The following CYFIP2 variants were observed in gnomAD, a reference collection of about 807,000 sequenced individuals.
CYFIP2 encodes cytoplasmic FMR1-interacting protein 2.
Under a neutral mutation model 158.7 loss-of-function variants are expected in CYFIP2, and 29 were observed. That is an observed-to-expected ratio of 0.18 (90% CI 0.14 to 0.25). The LOEUF (loss-of-function observed/expected upper bound fraction) is 0.25, where lower values mean the gene tolerates loss of function less well. CYFIP2 is among the 10% of genes least tolerant of loss of function. The pLI is 1.00. For synonymous variants in CYFIP2, 585 were observed against 617.6 expected (o/e 0.95, Z 0.78); for missense variants, 852 against 1,639.5 (o/e 0.52, Z 8.29).
intron 9 of CYFIP2, among the ~76,000 whole-genome samples, chr5:157,308,309 T>C (rs1164881588): frequency 6.6e-6 from 1 of 152,130 alleles, no homozygotes; most frequent in African/African-American, 2.4e-5. Flanking sequence ...ATTTGCAAAA[T>C]CACAGCCTCT....
intron 23 of CYFIP2, chr5:157,343,459 G>A: frequency 6.2e-7 from 1 of 1,612,268 alleles, no homozygotes; most frequent in South Asian, 1.1e-5. Context: ...TATGGTAATA[G>A]TCCTCCAGGC....
intron 29 of CYFIP2, 142 bp from the exon 30 acceptor site, chr5:157,390,379 G>A (rs1211983708): frequency 1.4e-6 from 1 of 702,440 alleles, no homozygotes; most frequent in East Asian, 2.9e-5. Flanking sequence ...AGCTTCCTTT[G>A]TACCCATTTT....
chr5:157,270,902 G>T (rs1756037195), intron 1 of CYFIP2, among the ~76,000 whole-genome samples: 1 of 152,158 alleles, frequency 6.6e-6, no homozygotes, highest in Non-Finnish European at 1.5e-5. Context: ...TTCCTGGTGT[G>T]TGCCTATCTC....
chr5:157,279,497 A>C (rs1756822006), intron 1 of CYFIP2, among the ~76,000 whole-genome samples: 1 of 152,234 alleles, frequency 6.6e-6, no homozygotes, highest in South Asian at 2.1e-4. Context: ...GTCGCCCTGC[A>C]TTTATGGGAC....
At chr5:157,371,195 G>T (rs1401322565) in intron 26 of CYFIP2, among the ~76,000 whole-genome samples, 1 of 152,120 alleles carries the variant, frequency 6.6e-6, no homozygotes, top group Admixed American at 6.5e-5. Context: ...ACATCAGTAT[G>T]CGGGAAACAC....
rs112482816 is a variant in CYFIP2 at position 157,332,750 on chromosome 5, C to G, written c.2266-577C>G. Among the ~76,000 whole-genome samples, 645 of 152,320 alleles carry G rather than the reference C, an allele frequency of 4.2e-3. 6 individuals carry two copies. Among genetic ancestry groups the G allele is most frequent in the African/African-American group, 0.015 (615 of 41,568 alleles). On this transcript the variant is annotated intron_variant, in intron 20 of 30. Transcript: ENST00000620254. Reference sequence around the variant, plus strand: ...CCACAAACTCTTGGGCTCAAGCTATCTTCCCACCTCCAGCCTCCCAAGTAG... The same window carrying G: ...CCACAAACTCTTGGGCTCAAGCTATGTTCCCACCTCCAGCCTCCCAAGTAG...
chr5:157,379,668 CAAAA>C (rs70984468), intron 26 of CYFIP2, among the ~76,000 whole-genome samples: 4,737 of 73,638 alleles, frequency 0.064, 349 homozygotes, highest in African/African-American at 0.23. Flanking sequence ...GACCCTGTCT[CAAAA>C]AAAAAAAAAA....
chr5:157,351,288 C>T (rs1191984472), intron 23 of CYFIP2, among the ~76,000 whole-genome samples: 11 of 152,152 alleles, frequency 7.2e-5, no homozygotes, highest in Admixed American at 7.2e-4. Flanking sequence ...GAGCCATTTC[C>T]TGAGTTGGTC....
chr5:157,364,573 C>G (rs183144582), intron 26 of CYFIP2: 1 of 152,408 alleles, frequency 6.6e-6, no homozygotes, highest in Admixed American at 6.5e-5. Flanking sequence ...AACTAAAGCA[C>G]AGGTTTCCAA....
intron 17 of CYFIP2, 59 bp downstream of exon 17, chr5:157,325,697 C>A: frequency 6.7e-7 from 1 of 1,492,002 alleles, no homozygotes. Context: ...GGGCAGTTTG[C>A]CAGGGAGATC....
intron 22 of CYFIP2, 123 bp downstream of exon 22, chr5:157,339,379 C>G (rs1479528951): frequency 6.0e-6 from 5 of 826,920 alleles, no homozygotes; most frequent in Non-Finnish European, 9.6e-6. Flanking sequence ...CAGAGCCCCT[C>G]CTGGGCACAG....
chr5:157,283,425 G>A (rs1227803745), intron 1 of CYFIP2, among the ~76,000 whole-genome samples: 3 of 152,060 alleles, frequency 2.0e-5, no homozygotes, highest in East Asian at 1.9e-4. Flanking sequence ...AGTGTAAGAA[G>A]GAAGACAGTC....
chr5:157,350,516 T>C (rs959272604), intron 23 of CYFIP2, among the ~76,000 whole-genome samples: 3 of 152,254 alleles, frequency 2.0e-5, no homozygotes, highest in Non-Finnish European at 4.4e-5. Flanking sequence ...CCATGCTGTT[T>C]CGTGACTATA....
At chr5:157,322,779 G>A (rs1481242532) in intron 15 of CYFIP2, among the ~76,000 whole-genome samples, 1 of 152,258 alleles carries the variant, frequency 6.6e-6, no homozygotes, top group African/African-American at 2.4e-5. Flanking sequence ...CGGTTGCTGG[G>A]AGGTTGGAGT....
chr5:157,343,054 C>T (rs374229052), intron 23 of CYFIP2: 3 of 1,614,208 alleles, frequency 1.9e-6, no homozygotes, highest in Non-Finnish European at 2.5e-6. Flanking sequence ...CCTCCTCTGG[C>T]CATCTCACCA....
intron 26 of CYFIP2, among the ~76,000 whole-genome samples, chr5:157,367,647 CTAAT>C (rs1379060892): frequency 6.6e-6 from 1 of 151,588 alleles, no homozygotes; most frequent in African/African-American, 2.4e-5. Context: ...TGTCTTTCCT[CTAAT>C]TGTTTTATTA....
chr5:157,289,352 C>A (rs1384724772), intron 3 of CYFIP2, among the ~76,000 whole-genome samples: 2 of 152,184 alleles, frequency 1.3e-5, no homozygotes, highest in East Asian at 1.9e-4. Flanking sequence ...TTACAGATTC[C>A]CTACAAATAA....
intron 1 of CYFIP2, chr5:157,269,340 A>G (rs1439189296): frequency 6.6e-6 from 1 of 152,060 alleles, no homozygotes; most frequent in Non-Finnish European, 1.5e-5. Context: ...ACATTTCAAC[A>G]CGTAGAGTTA....
intron 26 of CYFIP2, among the ~76,000 whole-genome samples, chr5:157,379,403 A>G (rs1581186108): frequency 1.3e-5 from 2 of 152,238 alleles, no homozygotes; most frequent in East Asian, 3.9e-4. Flanking sequence ...ACAAACCGCC[A>G]AAACTCACTT....
Sources: allele counts gnomAD v4.1 joint callset (sites outside exome capture counted in the v4.1 genomes callset), GRCh38; gene constraint gnomAD v4.1.1; transcripts MANE v1.5; gene names NCBI Gene and HGNC (gene_info 2026-07-23, HGNC 2026-07-21).